Variants in GRIK4 observed in about 807,000 individuals in gnomAD.
The protein encoded by GRIK4 is glutamate ionotropic receptor kainate type subunit 4.
GRIK4 carries 40 observed loss-of-function variants against 104.9 expected under a neutral mutation model. The ratio of observed to expected loss-of-function variants is 0.38; its 90% CI spans 0.30 to 0.50. GRIK4 has a LOEUF of 0.50. Among genes scored for constraint, GRIK4 ranks in the 20% least tolerant of loss-of-function variants. The pLI, the probability that GRIK4 is intolerant of heterozygous loss-of-function variation, is 0.93. For synonymous variants in GRIK4, 485 were observed against 524.9 expected (o/e 0.92, Z 1.04); for missense variants, 1,047 against 1,308.1 (o/e 0.80, Z 3.08).
At position 120,732,323 on chromosome 11, in the gene GRIK4, C is replaced by T. The variant is rs1050792290; in HGVS notation, c.83-70370C>T. Among the ~76,000 whole-genome samples, 3 of 152,114 alleles carry T rather than the reference C, an allele frequency of 2.0e-5. No individual in the cohort carries two copies. In the East Asian group the frequency reaches 5.8e-4, roughly 29 times the overall value. ...ATTTTTGTATATTTTTTAGTAGAGA[C>T]GGGGTTTCACCATATTGGCTAGCCT... On this transcript the variant is annotated intron_variant, in intron 3 of 20. Coordinates refer to ENST00000527524, the MANE Select transcript of GRIK4 (RefSeq NM_014619.5).
chr11:120,973,128 T>G (rs1944503462), intron 19 of GRIK4, among the ~76,000 whole-genome samples: 1 of 152,204 alleles, frequency 6.6e-6, no homozygotes, highest in Non-Finnish European at 1.5e-5. Flanking sequence ...TTCTCTACGT[T>G]TTTGGCCATG....
At chr11:120,562,864 G>A (rs1232581135) in intron 1 of GRIK4, among the ~76,000 whole-genome samples, 1 of 152,216 alleles carries the variant, frequency 6.6e-6, no homozygotes, top group African/African-American at 2.4e-5. Flanking sequence ...GGTATCGTGT[G>A]GAAAAGGGAG....
At chr11:120,821,213 A>G (rs1953119050) in intron 6 of GRIK4, among the ~76,000 whole-genome samples, 1 of 152,224 alleles carries the variant, frequency 6.6e-6, no homozygotes, top group Admixed American at 6.5e-5. Context: ...CTAAGTGTCA[A>G]ATGTGCAATG....
intron 3 of GRIK4, among the ~76,000 whole-genome samples, chr11:120,753,942 C>G (rs1241226528): frequency 6.6e-6 from 1 of 152,192 alleles, no homozygotes; most frequent in Admixed American, 6.5e-5. Context: ...AGCCCATCCC[C>G]TTGAGCTATC....
intron 3 of GRIK4, among the ~76,000 whole-genome samples, chr11:120,709,314 C>T (rs190134662): frequency 3.9e-5 from 6 of 152,034 alleles, no homozygotes; most frequent in Admixed American, 2.0e-4. Flanking sequence ...CGCTCACCTC[C>T]GTTGAGCACC....
intron 3 of GRIK4, among the ~76,000 whole-genome samples, chr11:120,702,386 T>TA (rs1950567674): frequency 6.6e-6 from 1 of 152,182 alleles, no homozygotes; most frequent in Admixed American, 6.5e-5. Context: ...AGATGCCTGT[T>TA]AGACAACCTG....
Position 120,549,415 on chromosome 11 carries a change from C to T in GRIK4, c.-159+37528C>T, listed in dbSNP as rs536564116. Among the ~76,000 whole-genome samples, 2 of 152,284 alleles carry T rather than the reference C, an allele frequency of 1.3e-5. No homozygotes were observed. The highest frequency in any genetic ancestry group is 1.3e-4 in the Admixed American group (2 of 15,306). ...GCCACCGCGCCCGGCCTTGGCTGTT[C>T]TTTAATAGAAGGAACATGTCCCCGT... On this transcript the variant is annotated intron_variant, in intron 1 of 20. Transcript: ENST00000527524. The surrounding 1 kb of genome is among the most constrained non-coding windows in gnomAD (Gnocchi z 4.7).
At position 120,986,129 on chromosome 11, in the gene GRIK4, C is replaced by T; in HGVS notation, c.2740C>T (p.Arg914Cys). 5 of 1,521,954 alleles carry T rather than the reference C, an allele frequency of 3.3e-6. No individual in the cohort carries two copies. Among genetic ancestry groups the T allele is most frequent in the African/African-American group, 1.4e-5 (1 of 69,854 alleles). 94.3% of individuals were successfully genotyped at this position (1,521,954 alleles called of 1,614,324 possible). A position where few individuals can be genotyped will look rare whatever the true frequency, so the allele number is the denominator to read the frequency against. The change falls in exon 21 of 21, where the codon CGC (arginine) becomes TGC (cysteine). Residue 914 changes from arginine (R) to cysteine (C), a missense_variant. This residue lies in a region of GRIK4 where 160 missense variants were observed against 140.9 expected (regional missense o/e 1.14). Coordinates refer to ENST00000527524, the MANE Select transcript of GRIK4 (RefSeq NM_014619.5). ...GGCGCAGGAGGCCGCCCTGGTGGCC[C>T]GCGGCTGCACGCACATCCGCGTCTG... Reference protein sequence around the residue: ...RLAQEAALVARGCTHIRVCPE... With the variant: ...RLAQEAALVACGCTHIRVCPE...
At chr11:120,913,969 TAA>T (rs1943053777) in intron 13 of GRIK4, among the ~76,000 whole-genome samples, 1 of 152,134 alleles carries the variant, frequency 6.6e-6, no homozygotes, top group South Asian at 2.1e-4. Context: ...TTCTTTAAAA[TAA>T]AGATACTGAT....
chr11:120,945,122 G>T (rs1486959879), intron 14 of GRIK4, among the ~76,000 whole-genome samples: 1 of 152,020 alleles, frequency 6.6e-6, no homozygotes, highest in Non-Finnish European at 1.5e-5. Context: ...AAGCACCTTT[G>T]CCCCTTGCTG....
chr11:120,639,017 C>T (rs6589825), intron 1 of GRIK4, among the ~76,000 whole-genome samples: 100,833 of 150,912 alleles, frequency 0.67, 34,266 homozygotes, highest in African/African-American at 0.81. Context: ...TCCAGCATGG[C>T]GAAACCCCTT....
intron 1 of GRIK4, among the ~76,000 whole-genome samples, chr11:120,580,637 T>C (rs527543625): frequency 6.6e-6 from 1 of 152,046 alleles, no homozygotes; most frequent in African/African-American, 2.4e-5. Context: ...GGTACAATCA[T>C]AGTTCCCTGC....
chr11:120,682,251 G>A (rs375821024), intron 3 of GRIK4, among the ~76,000 whole-genome samples: 10 of 152,310 alleles, frequency 6.6e-5, no homozygotes, highest in Middle Eastern at 3.4e-3. Flanking sequence ...TCACCTTGGC[G>A]GCCAATGGAC....
intron 9 of GRIK4, among the ~76,000 whole-genome samples, chr11:120,864,295 C>T (rs982542633): frequency 6.6e-6 from 1 of 151,524 alleles, no homozygotes; most frequent in South Asian, 2.1e-4. Flanking sequence ...GGCTGGAGTG[C>T]AGTGGCGCGA....
chr11:120,904,036 T>A (rs1307916197), intron 12 of GRIK4, among the ~76,000 whole-genome samples: 1 of 152,208 alleles, frequency 6.6e-6, no homozygotes, highest in Non-Finnish European at 1.5e-5. Flanking sequence ...TTGTCTTCTG[T>A]GATTGCCCTT....
intron 1 of GRIK4, among the ~76,000 whole-genome samples, chr11:120,574,637 C>T (rs1323370233): frequency 1.3e-5 from 2 of 152,202 alleles, no homozygotes; most frequent in East Asian, 3.9e-4. Flanking sequence ...GGGGCTACAT[C>T]TGTCTTGTTC....
At chr11:120,639,676 G>A (rs1018843304) in intron 1 of GRIK4, among the ~76,000 whole-genome samples, 3 of 152,108 alleles carry the variant, frequency 2.0e-5, no homozygotes, top group Admixed American at 6.5e-5. Flanking sequence ...AAATGCAAAC[G>A]TCTCTTCCTC....
Position 120,952,970 on chromosome 11 carries a change from C to T in GRIK4, c.1700+6C>T. On this transcript the variant is annotated splice_donor_region_variant and intron_variant, in intron 15 of 20. Coordinates refer to ENST00000527524, the MANE Select transcript of GRIK4 (RefSeq NM_014619.5). The surrounding 1 kb of genome is among the most constrained non-coding windows in gnomAD (Gnocchi z 5.2). ...GTCCTCTTCCTGGTGGCTCGGTACTCTCCTCTTCCCTTCCCTGTCCTTACA... is the reference window on the plus strand; with the variant it reads ...GTCCTCTTCCTGGTGGCTCGGTACTTTCCTCTTCCCTTCCCTGTCCTTACA... The T allele has an allele frequency of 6.4e-7, 1 of 1,567,282 alleles. No homozygotes were observed. Among genetic ancestry groups the T allele is most frequent in the Non-Finnish European group, 8.8e-7 (1 of 1,137,604 alleles).
At chr11:120,523,789 C>G (rs1947824705) in intron 1 of GRIK4, among the ~76,000 whole-genome samples, 1 of 151,438 alleles carries the variant, frequency 6.6e-6, no homozygotes, top group Non-Finnish European at 1.5e-5. Flanking sequence ...AGCAGCCCAG[C>G]TGGGAGATGA....
Sources: allele counts gnomAD v4.1 joint callset (sites outside exome capture counted in the v4.1 genomes callset), GRCh38; gene constraint gnomAD v4.1.1; regional missense constraint gnomAD v4.1.1; non-coding constraint Gnocchi (gnomAD v3.1); transcripts MANE v1.5; gene names NCBI Gene and HGNC (gene_info 2026-07-23, HGNC 2026-07-21).